The following TIAM1 variants were observed in gnomAD, a reference collection of about 807,000 sequenced individuals.
TIAM1 encodes the protein TIAM Rac1 associated GEF 1, also known as rho guanine nucleotide exchange factor TIAM1.
In TIAM1, 65 loss-of-function variants were observed where a neutral mutation model predicts 163.5. The observed-to-expected ratio is 0.40, with a 90% CI of 0.33 to 0.49. The LOEUF (loss-of-function observed/expected upper bound fraction) is 0.49. Ranked by LOEUF, TIAM1 falls within the 20% of genes least tolerant of loss-of-function variation. The probability of loss-of-function intolerance (pLI) is 0.77; values close to 1 mark genes in which losing one functional copy is unlikely to be tolerated. For missense variants in TIAM1, 1,789 were observed against 2,044.7 expected (o/e 0.87, Z 2.41); for synonymous variants, 833 against 810.1 (o/e 1.03, Z -0.48).
chr21:31,364,685 G>A (rs12627233), intron 2 of TIAM1, among the ~76,000 whole-genome samples: 105,035 of 150,694 alleles, frequency 0.7, 37,521 homozygotes, highest in African/African-American at 0.87. Context: ...GGATGGATGG[G>A]TGGATGGATG....
At chr21:31,522,163 G>A (rs1042059131) in intron 1 of TIAM1, among the ~76,000 whole-genome samples, 3 of 151,390 alleles carry the variant, frequency 2.0e-5, no homozygotes, top group Admixed American at 1.3e-4. Flanking sequence ...GAGCCACCAC[G>A]CCCGGCCGGC....
At chr21:31,448,750 T>G (rs1343413158) in intron 2 of TIAM1, among the ~76,000 whole-genome samples, 1 of 151,846 alleles carries the variant, frequency 6.6e-6, no homozygotes, top group African/African-American at 2.4e-5. Flanking sequence ...GACTCCACAA[T>G]CAGAACTGTG....
At chr21:31,467,530 G>A (rs148851239) in intron 1 of TIAM1, among the ~76,000 whole-genome samples, 1 of 151,702 alleles carries the variant, frequency 6.6e-6, no homozygotes, top group Admixed American at 6.6e-5. Context: ...GGAGGCTGAG[G>A]CAGAAGAATC....
intron 2 of TIAM1, among the ~76,000 whole-genome samples, chr21:31,420,003 C>T (rs915806949): frequency 1.3e-5 from 2 of 152,164 alleles, no homozygotes; most frequent in East Asian, 3.9e-4. Flanking sequence ...GAGCCAAGAT[C>T]GTGCTATTGC....
chr21:31,528,682 G>A (rs953705538), intron 1 of TIAM1, among the ~76,000 whole-genome samples: 2 of 150,626 alleles, frequency 1.3e-5, no homozygotes, highest in Admixed American at 6.6e-5. Context: ...TGGTGTGCCT[G>A]TAATCCCAGC....
At chr21:31,478,576 A>G (rs1474140560) in intron 1 of TIAM1, among the ~76,000 whole-genome samples, 2 of 152,216 alleles carry the variant, frequency 1.3e-5, no homozygotes, top group Non-Finnish European at 2.9e-5. Context: ...AGTATTCACC[A>G]GCCAACGTGT....
At chr21:31,421,504 T>C (rs1432361123) in intron 2 of TIAM1, among the ~76,000 whole-genome samples, 5 of 152,306 alleles carry the variant, frequency 3.3e-5, no homozygotes, top group Middle Eastern at 3.4e-3. Context: ...CAGATTCTCA[T>C]AGGAGCATGA....
At chr21:31,195,363 G>C in intron 12 of TIAM1, 58 bp from the exon 13 acceptor site, 1 of 1,231,448 alleles carries the variant, frequency 8.1e-7, no homozygotes, top group Non-Finnish European at 1.2e-6. Context: ...TTTTAAAAAT[G>C]GTCATCATTT....
rs375066597 is a variant in TIAM1 at position 31,120,526 on chromosome 21, G to A, written c.4618C>T (p.Arg1540Trp). The change falls in exon 28 of 28, where the codon CGG becomes TGG. Residue 1540 changes from arginine (R) to tryptophan (W), a missense_variant. This residue lies in a region of TIAM1 where 415 missense variants were observed against 439.2 expected (regional missense o/e 0.94). Coordinates refer to ENST00000541036, the MANE Select transcript of TIAM1 (RefSeq NM_001353694.2). The surrounding 1 kb of genome is among the most constrained non-coding windows in gnomAD (Gnocchi z 4.2). ...ATSISQRERG[R>W]KTLDSHASRM... is the part of the protein sequence containing the mutation. ...GACGCGTGACTATCCAGGGTTTTCC[G>A]GCCTCTTTCCCGCTGACTGATGGAG... is the stretch of plus-strand genomic sequence containing the variant. 2.7e-5 allele frequency: 43 copies of A among 1,614,026 alleles called. No homozygotes were observed. The highest frequency in any genetic ancestry group is 2.0e-4 in the African/African-American group (15 of 74,928).
chr21:31,141,197 T>C lies in TIAM1; in HGVS notation c.3695A>G (p.Asn1232Ser), dbSNP rs768652609. The C allele has an allele frequency of 6.2e-7, 1 of 1,614,196 alleles. No homozygotes were observed. Among genetic ancestry groups the C allele is most frequent in the Non-Finnish European group, 8.5e-7 (1 of 1,180,034 alleles). The stretch of plus-strand genomic sequence containing the variant: ...CTCTTCATGGATTTTCTGCATCTCA[T>C]TGATGTGACTGGCAACCTTGTTCAT... Reference protein sequence around the residue: ...KTMNKVASHINEMQKIHEEFG... With the variant: ...KTMNKVASHISEMQKIHEEFG... The change falls in exon 22 of 28, where the codon AAT (asparagine) becomes AGT (serine). Residue 1232 changes from asparagine to serine, a missense_variant. By Grantham distance (46) the Asn-to-Ser change is conservative (BLOSUM62 1). This residue lies in a region of TIAM1 where 60 missense variants were observed against 132.6 expected (regional missense o/e 0.45). Coordinates refer to ENST00000541036, the MANE Select transcript of TIAM1 (RefSeq NM_001353694.2). The surrounding 1 kb of genome is among the most constrained non-coding windows in gnomAD (Gnocchi z 4.7).
In TIAM1 at chr21:31,295,393, C is replaced by T. The variant is rs1360092531; in HGVS notation, c.-188-18485G>A. On this transcript the variant is annotated intron_variant, in intron 2 of 27. Coordinates refer to ENST00000541036, the MANE Select transcript of TIAM1 (RefSeq NM_001353694.2). ...GCTGAGGCAGGAGAATGGCGTGAACCCAGGAGGCGGAGCTTGCAGTGCGCC... is the reference window on the plus strand; with the variant it reads ...GCTGAGGCAGGAGAATGGCGTGAACTCAGGAGGCGGAGCTTGCAGTGCGCC... Among the ~76,000 whole-genome samples, 7 of 146,750 alleles carry T rather than the reference C, an allele frequency of 4.8e-5. No homozygotes were observed. In the Admixed American group the frequency reaches 5.0e-4, roughly 10 times the overall value.
intron 22 of TIAM1, among the ~76,000 whole-genome samples, chr21:31,137,815 C>T (rs576699307): frequency 6.6e-6 from 1 of 151,086 alleles, no homozygotes; most frequent in Admixed American, 6.6e-5. Context: ...ACAAGGAGCA[C>T]ACCAGAACCT....
At chr21:31,391,608 G>A (rs1167713165) in intron 2 of TIAM1, among the ~76,000 whole-genome samples, 1 of 152,090 alleles carries the variant, frequency 6.6e-6, no homozygotes, top group African/African-American at 2.4e-5. Flanking sequence ...CTGGGTGACA[G>A]AGCAAGACTC....
intron 2 of TIAM1, among the ~76,000 whole-genome samples, chr21:31,308,894 C>G (rs1225630815): frequency 6.6e-6 from 1 of 152,084 alleles, no homozygotes; most frequent in Non-Finnish European, 1.5e-5. Flanking sequence ...CAGCCTACAG[C>G]AAACTAAAGG....
intron 17 of TIAM1, among the ~76,000 whole-genome samples, chr21:31,154,018 C>T (rs550851857): frequency 1.2e-3 from 181 of 152,156 alleles, no homozygotes; most frequent in African/African-American, 4.2e-3. Flanking sequence ...GAGCTATGAT[C>T]ACACCACTGT....
At chr21:31,468,515 GGC>G (rs2045615682) in intron 1 of TIAM1, among the ~76,000 whole-genome samples, 1 of 151,444 alleles carries the variant, frequency 6.6e-6, no homozygotes, top group Non-Finnish European at 1.5e-5. Flanking sequence ...GGTGACTCAG[GGC>G]TGTAATCCCA....
chr21:31,258,370 T>A (rs577601179), intron 4 of TIAM1, among the ~76,000 whole-genome samples: 5 of 152,346 alleles, frequency 3.3e-5, no homozygotes, highest in Admixed American at 3.3e-4. Context: ...TTGTCATTTC[T>A]AAACTCAGCT....
At chr21:31,499,235 G>C (rs964693914) in intron 1 of TIAM1, among the ~76,000 whole-genome samples, 3 of 151,986 alleles carry the variant, frequency 2.0e-5, no homozygotes, top group Admixed American at 2.0e-4. Flanking sequence ...GTGCTATGAA[G>C]GAGACACATT....
chr21:31,282,466 G>A (rs1182217283), intron 2 of TIAM1, among the ~76,000 whole-genome samples: 1 of 152,232 alleles, frequency 6.6e-6, no homozygotes, highest in Non-Finnish European at 1.5e-5. Flanking sequence ...GAGTGCAGAA[G>A]CATGACTGAG....
Sources: allele counts gnomAD v4.1 joint callset (sites outside exome capture counted in the v4.1 genomes callset), GRCh38; gene constraint gnomAD v4.1.1; regional missense constraint gnomAD v4.1.1; non-coding constraint Gnocchi (gnomAD v3.1); transcripts MANE v1.5; gene names NCBI Gene and HGNC (gene_info 2026-07-23, HGNC 2026-07-21).